Variants in ABR observed in about 807,000 individuals in gnomAD.
ABR encodes the protein ABR activator of RhoGEF and GTPase, also known as active breakpoint cluster region-related protein.
Under a neutral mutation model 107.2 loss-of-function variants are expected in ABR, and 35 were observed. That is an observed-to-expected ratio of 0.33 (90% confidence interval 0.25 to 0.43). ABR has a LOEUF of 0.43. Among genes scored for constraint, ABR ranks in the 20% least tolerant of loss-of-function variants. The pLI, the probability that ABR is intolerant of heterozygous loss-of-function variation, is 1.00. For synonymous variants in ABR, 498 were observed against 462.0 expected, an observed-to-expected ratio of 1.08 and a Z score of -1.00; for missense variants, 815 against 1,115.2, an observed-to-expected ratio of 0.73 and a Z score of 3.83.
chr17:1,144,588 CAAA>C (rs60536584), intron 1 of ABR, among the ~76,000 whole-genome samples: 2 of 140,914 alleles, frequency 1.4e-5, no homozygotes, highest in Admixed American at 7.2e-5. Context: ...GTCAATCAGG[CAAA>C]AAAAAAAAAA....
intron 16 of ABR, among the ~76,000 whole-genome samples, chr17:1,029,279 C>A (rs1382242413): frequency 5.3e-5 from 8 of 152,014 alleles, no homozygotes; most frequent in African/African-American, 1.9e-4. Context: ...CCTGAACTCT[C>A]CTCCGGTGAC....
chr17:1,159,322 AATGCAGTACTCACGCACAAGGGAAGT>A (rs1210660694), intron 1 of ABR, among the ~76,000 whole-genome samples: 4 of 91,796 alleles, frequency 4.4e-5, no homozygotes, highest in Non-Finnish European at 6.9e-5. Context: ...GGGAAGTAAG[AATGCAGTACTCACGCACAAGGGAAGT>A]ATGCGGTACT....
At chr17:1,094,845 G>A (rs1380881795) in intron 3 of ABR, among the ~76,000 whole-genome samples, 1 of 145,906 alleles carries the variant, frequency 6.9e-6, no homozygotes, top group African/African-American at 2.5e-5. Flanking sequence ...GCAGGTGGAG[G>A]AGTGGGGGCG....
chr17:1,035,162 G>C (rs900800534), intron 16 of ABR, among the ~76,000 whole-genome samples: 1 of 151,664 alleles, frequency 6.6e-6, no homozygotes, highest in African/African-American at 2.4e-5. Context: ...AATGGTCTTG[G>C]GTGGAAGAAG....
At chr17:1,055,337 C>T in intron 14 of ABR, 1 of 152,256 alleles carries the variant, frequency 6.6e-6, no homozygotes, top group East Asian at 1.9e-4. Flanking sequence ...CAGCGTTGCA[C>T]ACACACGATC....
upstream of ABR, among the ~76,000 whole-genome samples, chr17:1,181,651 G>A (rs1184103100): frequency 6.6e-6 from 1 of 152,214 alleles, no homozygotes; most frequent in African/African-American, 2.4e-5. Context: ...GGAAGGGAAC[G>A]AGCAGGCTCT....
At chr17:1,125,440 G>A (rs753559350) in intron 1 of ABR, 73 bp from the exon 2 acceptor site, 4 of 1,565,646 alleles carry the variant, frequency 2.6e-6, no homozygotes, top group East Asian at 2.2e-5. Context: ...CGTAGTGGGC[G>A]CCGGCGGCGG....
At chr17:1,057,643 C>CTGTGTATG (rs201859556) in intron 12 of ABR, among the ~76,000 whole-genome samples, 3 of 63,146 alleles carry the variant, frequency 4.8e-5, no homozygotes, top group Admixed American at 1.5e-4. Context: ...TACCCAGCCT[C>CTGTGTATG]TGTGTATGTG....
intron 1 of ABR, among the ~76,000 whole-genome samples, chr17:1,129,531 C>CAA (rs1227563315): frequency 6.6e-6 from 1 of 151,740 alleles, no homozygotes; most frequent in Non-Finnish European, 1.5e-5. Context: ...GACTCCGTCT[C>CAA]AAAAAAACAA....
In ABR at chr17:1,005,111, C is replaced by T. The variant is rs372164467; in HGVS notation, c.*969G>A. 22 of 398,848 alleles carry T rather than the reference C, an allele frequency of 5.5e-5. No individual in the cohort carries two copies. The East Asian group carries it at 6.1e-4, about 11-fold the overall frequency. The allele number at this position is 398,848 out of a possible 1,614,324, so 24.7% of individuals were successfully genotyped here. Reference sequence around the variant, plus strand: ...CCAGCGTGGCATGTGCATTCCTCCCCCGTTCAGCCTGTGGTGTTTCCTCAG... The same window carrying T: ...CCAGCGTGGCATGTGCATTCCTCCCTCGTTCAGCCTGTGGTGTTTCCTCAG... On this transcript the variant is annotated 3_prime_UTR_variant, in exon 23 of 23. Transcript: ENST00000302538.
chr17:1,048,954 C>T (rs1018872033), intron 16 of ABR, among the ~76,000 whole-genome samples: 3 of 152,216 alleles, frequency 2.0e-5, no homozygotes, highest in Admixed American at 6.5e-5. Context: ...AGACCACTTG[C>T]GGCACAGCAC....
chr17:1,121,040 G>A (rs372031798), intron 2 of ABR, among the ~76,000 whole-genome samples: 2 of 152,326 alleles, frequency 1.3e-5, no homozygotes, highest in East Asian at 1.9e-4. Flanking sequence ...AGTGAAACTG[G>A]GCAGTCTCCG....
exon 1 of ABR, chr17:1,187,032 C>T (rs72816208): frequency 0.015 from 2,296 of 152,674 alleles, 23 homozygotes; most frequent in Non-Finnish European, 0.023. Context: ...ATTCTGCAGA[C>T]GCATCCCAGG....
Position 1,170,009 on chromosome 17 carries a change from G to GT in ABR, c.61+9657_61+9658insA, listed in dbSNP as rs1254921733. ...GTTTGTGTTTGTGTGTGTGTGTGTG[G>GT]GGGGGGGGTGTGTTTGTGTATGTTA... On this transcript the variant is annotated intron_variant, in intron 1 of 22. Coordinates refer to ENST00000302538, the MANE Select transcript of ABR (RefSeq NM_021962.5). 7.6e-3 allele frequency among the ~76,000 whole-genome samples: 986 copies of GT among 128,926 alleles called. 21 individuals are homozygous for GT. The highest frequency in any genetic ancestry group is 0.025 in the African/African-American group (815 of 32,122). 84.6% of individuals were successfully genotyped at this position (128,926 alleles called of 152,430 possible). A position where few individuals can be genotyped will look rare whatever the true frequency, so the allele number is the denominator to read the frequency against.
At chr17:1,028,256 A>ATTTTT (rs564733650) in intron 16 of ABR, among the ~76,000 whole-genome samples, 34 of 141,210 alleles carry the variant, frequency 2.4e-4, no homozygotes, top group African/African-American at 7.6e-4. Flanking sequence ...ATGCCCGGCT[A>ATTTTT]TTTTTTTTTT....
At chr17:1,140,531 A>G (rs1385179195) in intron 1 of ABR, among the ~76,000 whole-genome samples, 2 of 152,276 alleles carry the variant, frequency 1.3e-5, no homozygotes, top group East Asian at 3.9e-4. Flanking sequence ...TACAAAATCT[A>G]CCACCTCACC....
rs2037791962 is a variant in ABR at position 1,100,523 on chromosome 17, G to A, written c.345+114C>T. 3.1e-6 allele frequency: 3 copies of A among 963,030 alleles called. No homozygotes were observed. In the East Asian group the frequency reaches 7.4e-5, roughly 24 times the overall value. 59.7% of individuals were successfully genotyped at this position (963,030 alleles called of 1,614,324 possible). ...GACCAGCTGCAGACTCTGTCCACAG[G>A]GAGGGACGGGTACGGTCCCCTTTCC... On this transcript the variant is annotated intron_variant, in intron 3 of 22. Transcript: ENST00000302538.
At chr17:1,125,666 C>T (rs767180499) in intron 1 of ABR, 10 of 344,808 alleles carry the variant, frequency 2.9e-5, no homozygotes, top group African/African-American at 4.3e-5. Flanking sequence ...TCTTTGCCTT[C>T]TGCCTAATTC....
At chr17:1,213,963 C>T (rs1397900847) in intron 1 of ABR, among the ~76,000 whole-genome samples, 1 of 152,154 alleles carries the variant, frequency 6.6e-6, no homozygotes, top group Non-Finnish European at 1.5e-5. Flanking sequence ...TCTCGGCTCA[C>T]TGCATCCTCC....
Sources: gnomAD v4.1 joint callset for allele counts (sites outside exome capture counted in the v4.1 genomes callset) on GRCh38, gnomAD v4.1.1 for gene constraint, MANE v1.5 for transcripts, NCBI Gene and HGNC (gene_info 2026-07-23, HGNC 2026-07-21) for gene names.